Variants in SLC6A5 observed in about 807,000 individuals in gnomAD.
SLC6A5 encodes solute carrier family 6 member 5.
SLC6A5 carries 58 observed loss-of-function variants against 90.5 expected under a neutral mutation model. That is an observed-to-expected ratio of 0.64 (90% CI 0.52 to 0.80). The LOEUF (loss-of-function observed/expected upper bound fraction) is 0.80. SLC6A5 is among the 30% of genes least tolerant of loss of function. The pLI, the probability that SLC6A5 is intolerant of heterozygous loss-of-function variation, is 0.00. For synonymous variants in SLC6A5, 427 were observed against 401.4 expected, an observed-to-expected ratio of 1.06 and a Z score of -0.76; for missense variants, 1,015 against 1,017.6, an observed-to-expected ratio of 1.00 and a Z score of 0.03.
chr11:20,650,536 T>G (rs1853504432), intron 14 of SLC6A5, among the ~76,000 whole-genome samples: 1 of 152,008 alleles, frequency 6.6e-6, no homozygotes, highest in South Asian at 2.1e-4. Context: ...GTGAGATATA[T>G]CCATTTTATG....
At chr11:20,599,777 T>G in intron 1 of SLC6A5, 102 bp downstream of exon 1, 2 of 1,370,688 alleles carry the variant, frequency 1.5e-6, no homozygotes, top group Non-Finnish European at 2.1e-6. Flanking sequence ...GTGCATTGGG[T>G]GGGGGGAAAG....
chr11:20,656,268 T>C lies in SLC6A5; in HGVS notation c.*1400T>C, dbSNP rs1454163728. 6.6e-6 allele frequency: 1 copy of C among 152,226 alleles called. No homozygotes were observed. The allele number at this position is 152,226 out of a possible 1,614,324, so 9.4% of individuals were successfully genotyped here. A position where few individuals can be genotyped will look rare whatever the true frequency, so the allele number is the denominator to read the frequency against. ...TGTTTTCTGTCCTTATAAATATCTT[T>C]TGAATTCTGTAGAGATGGTGAGTTT... is the stretch of plus-strand genomic sequence containing the variant. On this transcript the variant is annotated 3_prime_UTR_variant, in exon 16 of 16. Transcript: ENST00000525748.
intron 6 of SLC6A5, among the ~76,000 whole-genome samples, chr11:20,615,698 G>T (rs1565276192): frequency 6.6e-6 from 1 of 152,172 alleles, no homozygotes; most frequent in Non-Finnish European, 1.5e-5. Context: ...GATAAATGTA[G>T]ACAGAGTTCA....
At chr11:20,604,853 T>C (rs1165361974) in intron 3 of SLC6A5, among the ~76,000 whole-genome samples, 5 of 152,100 alleles carry the variant, frequency 3.3e-5, no homozygotes, top group Non-Finnish European at 7.4e-5. Flanking sequence ...TTAGGAGATC[T>C]AAGAGGTGAG....
At chr11:20,644,652 G>A (rs1853375261) in intron 13 of SLC6A5, among the ~76,000 whole-genome samples, 1 of 152,244 alleles carries the variant, frequency 6.6e-6, no homozygotes, top group Non-Finnish European at 1.5e-5. Flanking sequence ...GTTTTCCATA[G>A]TGACTGTACT....
At chr11:20,632,085 G>A (rs2133804374) in intron 10 of SLC6A5, among the ~76,000 whole-genome samples, 1 of 152,274 alleles carries the variant, frequency 6.6e-6, no homozygotes, top group Non-Finnish European at 1.5e-5. Flanking sequence ...CTCCCTGGTT[G>A]AGAATTCTCA....
intron 2 of SLC6A5, 91 bp downstream of exon 2, chr11:20,601,756 A>T (rs1852485141): frequency 2.9e-6 from 4 of 1,383,392 alleles, no homozygotes; most frequent in Non-Finnish European, 4.0e-6. Context: ...ACGTATGCTG[A>T]TGGGGAAACC....
chr11:20,636,218 G>T, intron 10 of SLC6A5, 89 bp from the exon 11 acceptor site: 1 of 784,316 alleles, frequency 1.3e-6, no homozygotes, highest in Non-Finnish European at 2.3e-6. Flanking sequence ...TAATAAATGA[G>T]GATCTCAGCA....
intron 7 of SLC6A5, 71 bp from the exon 8 acceptor site, chr11:20,626,637 C>T (rs950762741): frequency 5.0e-5 from 77 of 1,544,102 alleles, no homozygotes; most frequent in Non-Finnish European, 6.8e-5. Context: ...CTTCCCCGAG[C>T]AATGCTCCTT....
chr11:20,614,774 A>C lies in SLC6A5; in HGVS notation c.1081A>C (p.Ser361Arg). ...YPNVTMVNFT[S>R]QANKTFVSGS... ...CAACGTGACAATGGTTAATTTCACC[A>C]GCCAGGCCAATAAGACATTTGTCAG... The change falls in exon 6 of 16, where the codon AGC (serine) becomes CGC (arginine). Residue 361 changes from serine (S) to arginine (R), a missense_variant. Transcript: ENST00000525748. 6.2e-7 allele frequency: 1 copy of C among 1,613,956 alleles called. No homozygotes were observed. The highest frequency in any genetic ancestry group is 8.5e-7 in the Non-Finnish European group (1 of 1,179,770).
chr11:20,600,679 G>A (rs986091694), intron 1 of SLC6A5, among the ~76,000 whole-genome samples: 2 of 152,156 alleles, frequency 1.3e-5, no homozygotes, highest in African/African-American at 2.4e-5. Flanking sequence ...CAGCTTTGTG[G>A]CCACAGCTTG....
chr11:20,601,381 C>A lies in SLC6A5; in HGVS notation c.256C>A (p.Arg86=). 6.2e-7 allele frequency: 1 copy of A among 1,603,048 alleles called. No individual in the cohort carries two copies. The highest frequency in any genetic ancestry group is 8.5e-7 in the Non-Finnish European group (1 of 1,176,060). Residue 86 remains arginine (R), a synonymous_variant, in exon 2 of 16, where the codon CGG becomes AGG. Coordinates refer to ENST00000525748, the MANE Select transcript of SLC6A5 (RefSeq NM_004211.5). The stretch of plus-strand genomic sequence containing the variant: ...GGGGTCTTGCAAACTCAGTAGCCCG[C>A]GGGCGCAGGCGGCCTCTGCAGCTCT... ...GVGSCKLSSP[R]AQAASAALRD...
chr11:20,650,041 T>G (rs747006541), intron 14 of SLC6A5, among the ~76,000 whole-genome samples: 7 of 152,230 alleles, frequency 4.6e-5, no homozygotes, highest in African/African-American at 9.7e-5. Context: ...ACAGATGCCT[T>G]ACATCCATCT....
intron 9 of SLC6A5, among the ~76,000 whole-genome samples, chr11:20,628,664 G>A (rs980630777): frequency 2.0e-5 from 3 of 152,192 alleles, no homozygotes; most frequent in Non-Finnish European, 2.9e-5. Flanking sequence ...ATGACCTTGA[G>A]TAACAGACTA....
chr11:20,633,931 G>A (rs1231365114), intron 10 of SLC6A5, among the ~76,000 whole-genome samples: 1 of 152,142 alleles, frequency 6.6e-6, no homozygotes, highest in African/African-American at 2.4e-5. Context: ...GAGTGCAGTG[G>A]TGCCATCTTG....
At chr11:20,611,525 C>T (rs1852692545) in intron 5 of SLC6A5, among the ~76,000 whole-genome samples, 1 of 152,172 alleles carries the variant, frequency 6.6e-6, no homozygotes, top group Admixed American at 6.5e-5. Flanking sequence ...TGCTTTTCTT[C>T]ATCTCTCTGT....
intron 14 of SLC6A5, among the ~76,000 whole-genome samples, chr11:20,651,510 G>A (rs1366239248): frequency 2.0e-5 from 3 of 149,666 alleles, no homozygotes; most frequent in Non-Finnish European, 4.5e-5. Flanking sequence ...CTGACCTCAG[G>A]TGATCCACCG....
At chr11:20,603,800 C>G (rs758971504) in intron 2 of SLC6A5, among the ~76,000 whole-genome samples, 13 of 151,938 alleles carry the variant, frequency 8.6e-5, no homozygotes, top group Admixed American at 5.2e-4. Flanking sequence ...GAAGAAATGG[C>G]TGAGGAGGAG....
Position 20,655,727 on chromosome 11 carries a change from T to C in SLC6A5, c.*859T>C, listed in dbSNP as rs987315550. ...CAATGTCACGATCCTGTGTTTCTTCTCTAAATGTCTTTCTATAAGCTGTAG... is the reference window on the plus strand; with the variant it reads ...CAATGTCACGATCCTGTGTTTCTTCCCTAAATGTCTTTCTATAAGCTGTAG... On this transcript the variant is annotated 3_prime_UTR_variant, in exon 16 of 16. Coordinates refer to ENST00000525748, the MANE Select transcript of SLC6A5 (RefSeq NM_004211.5). 2.6e-5 allele frequency: 4 copies of C among 152,242 alleles called. No individual in the cohort carries two copies. The highest frequency in any genetic ancestry group is 9.6e-5 in the African/African-American group (4 of 41,452). 9.4% of individuals were successfully genotyped at this position (152,242 alleles called of 1,614,324 possible).
Sources: allele counts gnomAD v4.1 joint callset (sites outside exome capture counted in the v4.1 genomes callset), GRCh38; gene constraint gnomAD v4.1.1; transcripts MANE v1.5; gene names NCBI Gene and HGNC (gene_info 2026-07-23, HGNC 2026-07-21).